The following PDE3A variants were observed in gnomAD, a reference collection of about 807,000 sequenced individuals.
PDE3A encodes the protein phosphodiesterase 3A, also known as cGMP-inhibited 3',5'-cyclic phosphodiesterase 3A.
A neutral mutation model predicts 98.3 loss-of-function variants in PDE3A; 43 were observed. The observed-to-expected ratio is 0.44, with a 90% CI of 0.34 to 0.56. The LOEUF is 0.56. PDE3A is among the 20% of genes least tolerant of loss of function. PDE3A has a pLI of 0.01. For missense variants in PDE3A, 1,427 were observed against 1,440.7 expected (o/e 0.99, Z 0.15); for synonymous variants, 663 against 567.9 (o/e 1.17, Z -2.38).
chr12:20,396,216 T>G (rs1944014802), intron 1 of PDE3A, among the ~76,000 whole-genome samples: 1 of 152,204 alleles, frequency 6.6e-6, no homozygotes, highest in Non-Finnish European at 1.5e-5. Flanking sequence ...CTCTTCTAAT[T>G]TATAAGGTTA....
At position 20,369,332 on chromosome 12, in the gene PDE3A, C is replaced by A. The variant is rs1358865914; in HGVS notation, c.48C>A (p.His16Gln). ...CACGAGTCAGGGACAAGCCCGTCCA[C>A]AGTGGGGTGAGTCAAGCCCCCACGG... ...DAARVRDKPV[H>Q]SGVSQAPTAG... The change falls in exon 1 of 16, where the codon CAC becomes CAA. Residue 16 changes from histidine to glutamine, a missense_variant. His to Gln is a conservative substitution (Grantham distance 24, BLOSUM62 0). Coordinates refer to ENST00000359062, the MANE Select transcript of PDE3A (RefSeq NM_000921.5). The A allele has an allele frequency of 1.3e-6, 2 of 1,547,848 alleles. No individual in the cohort carries two copies. The highest frequency in any genetic ancestry group is 2.4e-5 in the South Asian group (2 of 83,808).
chr12:20,414,628 A>G (rs1350664692), intron 1 of PDE3A, among the ~76,000 whole-genome samples: 2 of 152,206 alleles, frequency 1.3e-5, no homozygotes, highest in African/African-American at 4.8e-5. Context: ...TGAGTATTCA[A>G]ATTTGTTAAA....
intron 1 of PDE3A, among the ~76,000 whole-genome samples, chr12:20,542,865 G>A (rs1011830926): frequency 6.6e-6 from 1 of 151,912 alleles, no homozygotes; most frequent in African/African-American, 2.4e-5. Context: ...GTCTTTTCAC[G>A]GGGCATGGTA....
Position 20,375,062 on chromosome 12 carries a change from C to G in PDE3A, c.960+4818C>G, listed in dbSNP as rs542554935. 2.0e-5 allele frequency among the ~76,000 whole-genome samples: 3 copies of G among 152,068 alleles called. No individual in the cohort carries two copies. In the South Asian group the frequency reaches 6.2e-4, roughly 32 times the overall value. On this transcript the variant is annotated intron_variant, in intron 1 of 15. Coordinates refer to ENST00000359062, the MANE Select transcript of PDE3A (RefSeq NM_000921.5). ...CCATATGTCTCCTCTTCAGTGGAGT[C>G]TTCCTGCTCCATTTCTGTGTGGTGT... is the stretch of plus-strand genomic sequence containing the variant.
intron 1 of PDE3A, among the ~76,000 whole-genome samples, chr12:20,403,938 A>G (rs1565538435): frequency 1.3e-5 from 2 of 151,964 alleles, no homozygotes; most frequent in Non-Finnish European, 2.9e-5. Context: ...AAATTTTCAA[A>G]CTCTATAATT....
chr12:20,549,264 A>C (rs1942135449), intron 1 of PDE3A, among the ~76,000 whole-genome samples: 1 of 151,402 alleles, frequency 6.6e-6, no homozygotes. Context: ...GTCATGCGCT[A>C]ATATGAAGTT....
At chr12:20,586,636 T>C (rs182401983) in intron 2 of PDE3A, among the ~76,000 whole-genome samples, 13 of 152,322 alleles carry the variant, frequency 8.5e-5, no homozygotes, top group African/African-American at 3.1e-4. Context: ...TATGTGAAAT[T>C]TGTGAGGAAT....
At position 20,552,757 on chromosome 12, in the gene PDE3A, C is replaced by G. The variant is rs1451349742; in HGVS notation, c.961-3903C>G. On this transcript the variant is annotated intron_variant, in intron 1 of 15. Coordinates refer to ENST00000359062, the MANE Select transcript of PDE3A (RefSeq NM_000921.5). The surrounding 1 kb of genome is among the most constrained non-coding windows in gnomAD (Gnocchi z 5.1). ...CAAGGACCGGCCGGCGAGCGGCAGC[C>G]CGTTCCAGTTGTTCCTGAGTAAAGT... 1.9e-6 allele frequency: 3 copies of G among 1,613,936 alleles called. No homozygotes were observed. Among genetic ancestry groups the G allele is most frequent in the East Asian group, 2.2e-5 (1 of 44,892 alleles).
At chr12:20,495,455 C>T (rs1945903104) in intron 1 of PDE3A, among the ~76,000 whole-genome samples, 2 of 152,106 alleles carry the variant, frequency 1.3e-5, no homozygotes, top group African/African-American at 4.8e-5. Flanking sequence ...GTGTCTTCAT[C>T]ATTTTATATA....
At chr12:20,407,196 A>T (rs1444635) in intron 1 of PDE3A, among the ~76,000 whole-genome samples, 96,190 of 152,106 alleles carry the variant, frequency 0.63, 31,788 homozygotes, top group East Asian at 0.88. Flanking sequence ...GTGCCTTTTC[A>T]TTCTCTATTT....
chr12:20,597,438 G>T (rs1161980986), intron 2 of PDE3A, among the ~76,000 whole-genome samples: 1 of 152,140 alleles, frequency 6.6e-6, no homozygotes, highest in African/African-American at 2.4e-5. Flanking sequence ...AAGTATGTTT[G>T]CTATCTGTCT....
chr12:20,456,664 A>G (rs534198108), intron 1 of PDE3A, among the ~76,000 whole-genome samples: 3 of 152,310 alleles, frequency 2.0e-5, no homozygotes, highest in Admixed American at 1.3e-4. Context: ...GCAATTATGT[A>G]TATGTGTGTC....
intron 2 of PDE3A, among the ~76,000 whole-genome samples, chr12:20,604,152 GAGCGAGACT>G (rs1943658301): frequency 6.7e-6 from 1 of 150,330 alleles, no homozygotes; most frequent in South Asian, 2.1e-4. Flanking sequence ...CTGGGCCATA[GAGCGAGACT>G]CCATCTCAAG....
At chr12:20,615,016 CTTTTTTT>C (rs11313010) in intron 3 of PDE3A, among the ~76,000 whole-genome samples, 8 of 59,128 alleles carry the variant, frequency 1.4e-4, no homozygotes, top group African/African-American at 4.2e-4. Context: ...TTCTCTCTTT[CTTTTTTT>C]TTTTTTTTTT....
At chr12:20,386,574 C>CT (rs1943812482) in intron 1 of PDE3A, among the ~76,000 whole-genome samples, 1 of 151,826 alleles carries the variant, frequency 6.6e-6, no homozygotes, top group Admixed American at 6.6e-5. Flanking sequence ...CTCCTGACCT[C>CT]AAGTGATCCA....
At chr12:20,395,975 A>T (rs184229197) in intron 1 of PDE3A, among the ~76,000 whole-genome samples, 266 of 152,112 alleles carry the variant, frequency 1.7e-3, no homozygotes, top group African/African-American at 5.9e-3. Flanking sequence ...AGCTCACTGT[A>T]ACCTTGAACA....
chr12:20,462,822 A>C (rs1202553557), intron 1 of PDE3A, among the ~76,000 whole-genome samples: 2 of 151,760 alleles, frequency 1.3e-5, no homozygotes, highest in Non-Finnish European at 2.9e-5. Flanking sequence ...TCAGCATCTC[A>C]CTCTGTCATC....
At position 20,646,986 on chromosome 12, in the gene PDE3A, A is replaced by G. The variant is rs201009738; in HGVS notation, c.2565+36A>G. The G allele has an allele frequency of 8.2e-6, 12 of 1,460,752 alleles. No individual in the cohort carries two copies. In the East Asian group the frequency reaches 1.4e-4, roughly 17 times the overall value. The allele number at this position is 1,460,752 out of a possible 1,614,324, so 90.5% of individuals were successfully genotyped here. ...AGATTTTGGTTAGGAGAACTAATTT[A>G]AAGATTTCTCAAGAAAGTGAAGTTC... On this transcript the variant is annotated intron_variant, in intron 12 of 15. Transcript: ENST00000359062.
At chr12:20,532,779 C>A (rs1055819506) in intron 1 of PDE3A, among the ~76,000 whole-genome samples, 9 of 151,668 alleles carry the variant, frequency 5.9e-5, no homozygotes, top group African/African-American at 1.9e-4. Flanking sequence ...AGCTCCGCCT[C>A]CCGGGTTCAC....
Sources: allele counts gnomAD v4.1 joint callset (sites outside exome capture counted in the v4.1 genomes callset), GRCh38; gene constraint gnomAD v4.1.1; non-coding constraint Gnocchi (gnomAD v3.1); transcripts MANE v1.5; gene names NCBI Gene and HGNC (gene_info 2026-07-23, HGNC 2026-07-21).